The following SIPA1L1 variants were observed in gnomAD, a reference collection of about 807,000 sequenced individuals.
SIPA1L1 encodes signal induced proliferation associated 1 like 1.
Under a neutral mutation model 162.7 loss-of-function variants are expected in SIPA1L1, and 26 were observed. The observed-to-expected ratio is 0.16, with a 90% CI of 0.12 to 0.22. The LOEUF (loss-of-function observed/expected upper bound fraction) is 0.22, where lower values mean the gene tolerates loss of function less well. SIPA1L1 is among the 10% of genes least tolerant of loss of function. The pLI is 1.00. For synonymous variants in SIPA1L1, 829 were observed against 837.4 expected (o/e 0.99, Z 0.17); for missense variants, 1,874 against 2,241.0 (o/e 0.84, Z 3.31).
At chr14:71,455,141 T>G (rs1308753046) in intron 2 of SIPA1L1, among the ~76,000 whole-genome samples, 1 of 152,248 alleles carries the variant, frequency 6.6e-6, no homozygotes, top group East Asian at 1.9e-4. Context: ...TTTGAATAGT[T>G]GCATTCTGTC....
chr14:71,526,590 G>C (rs778809483), intron 3 of SIPA1L1, among the ~76,000 whole-genome samples: 3 of 152,128 alleles, frequency 2.0e-5, no homozygotes, highest in Non-Finnish European at 2.9e-5. Flanking sequence ...TGTAAATAAA[G>C]TTTTATCGGA....
At chr14:71,609,037 A>G (rs535197335) in intron 5 of SIPA1L1, among the ~76,000 whole-genome samples, 10 of 152,322 alleles carry the variant, frequency 6.6e-5, no homozygotes, top group Non-Finnish European at 1.3e-4. Context: ...GTCTTAATAC[A>G]TGCATACTCC....
At chr14:71,584,258 T>G (rs183189013) in intron 4 of SIPA1L1, among the ~76,000 whole-genome samples, 356 of 152,272 alleles carry the variant, frequency 2.3e-3, no homozygotes, top group Non-Finnish European at 3.8e-3. Flanking sequence ...GGAGTACAGA[T>G]GCTTCACAGA....
intron 5 of SIPA1L1, among the ~76,000 whole-genome samples, chr14:71,605,414 A>G (rs545697498): frequency 2.6e-5 from 4 of 152,208 alleles, no homozygotes; most frequent in African/African-American, 4.8e-5. Flanking sequence ...ACTTAATTCT[A>G]TTCCTTTTAA....
Position 71,635,062 on chromosome 14 carries a change from GACATCAGGAGTTCGAGA to G in SIPA1L1, c.1818+10827_1818+10843del, listed in dbSNP as rs545806040. ...AGAGGCCGAGGCGGGTGGGTCACCT[GACATCAGGAGTTCGAGA>G]CCAGCCTGCCTAACATGGTGAAACC... is the stretch of plus-strand genomic sequence containing the variant. On this transcript the variant is annotated intron_variant, in intron 7 of 23. Coordinates refer to ENST00000381232, the MANE Select transcript of SIPA1L1 (RefSeq NM_001386936.1). Among the ~76,000 whole-genome samples, 154 of 152,212 alleles carry G rather than the reference GACATCAGGAGTTCGAGA, an allele frequency of 1.0e-3. 2 individuals are homozygous for G. The highest frequency in any genetic ancestry group is 3.5e-3 in the African/African-American group (145 of 41,514).
intron 3 of SIPA1L1, among the ~76,000 whole-genome samples, chr14:71,523,761 A>AT (rs1218002346): frequency 1.3e-5 from 2 of 152,094 alleles, no homozygotes; most frequent in African/African-American, 2.4e-5. Context: ...TCAGTTATTT[A>AT]TTTTTTATCA....
At chr14:71,721,871 C>T (rs1197360119) in intron 17 of SIPA1L1, among the ~76,000 whole-genome samples, 1 of 152,198 alleles carries the variant, frequency 6.6e-6, no homozygotes, top group Non-Finnish European at 1.5e-5. Context: ...GACTGCCACT[C>T]ATATGTATTC....
At chr14:71,422,554 CATATAAGTGAAATCATCATACATT>C (rs2043265615) in intron 2 of SIPA1L1, among the ~76,000 whole-genome samples, 1 of 152,210 alleles carries the variant, frequency 6.6e-6, no homozygotes, top group Non-Finnish European at 1.5e-5. Context: ...TGAAGCACTT[CATATAAGTGAAATCATCATACATT>C]ATTTGTCTTT....
chr14:71,693,267 G>A (rs1351059841), intron 13 of SIPA1L1, among the ~76,000 whole-genome samples: 2 of 152,174 alleles, frequency 1.3e-5, no homozygotes, highest in South Asian at 2.1e-4. Context: ...TGCCCTTGGG[G>A]AGGTCGAGGC....
intron 2 of SIPA1L1, among the ~76,000 whole-genome samples, chr14:71,511,310 A>G (rs948913625): frequency 2.0e-5 from 3 of 152,032 alleles, no homozygotes; most frequent in African/African-American, 4.8e-5. Flanking sequence ...CTTTTGAGAC[A>G]GGGTCTCACT....
At chr14:71,429,295 G>A (rs1181152381) in intron 2 of SIPA1L1, among the ~76,000 whole-genome samples, 1 of 151,852 alleles carries the variant, frequency 6.6e-6, no homozygotes, top group Non-Finnish European at 1.5e-5. Context: ...GCTCTCCACT[G>A]GTAAACAGTT....
chr14:71,394,233 T>C (rs2041003913), intron 2 of SIPA1L1, among the ~76,000 whole-genome samples: 1 of 152,340 alleles, frequency 6.6e-6, no homozygotes. Context: ...TCTGGCTGAT[T>C]CTAATCAAAA....
At chr14:71,524,988 C>G (rs2052718935) in intron 3 of SIPA1L1, among the ~76,000 whole-genome samples, 1 of 151,958 alleles carries the variant, frequency 6.6e-6, no homozygotes, top group African/African-American at 2.4e-5. Flanking sequence ...TTTACTCTCC[C>G]TACATTTAAT....
chr14:71,328,040 G>A (rs1463501819), intron 2 of SIPA1L1, among the ~76,000 whole-genome samples: 2 of 152,168 alleles, frequency 1.3e-5, no homozygotes, highest in Non-Finnish European at 2.9e-5. Context: ...TCTTCAAAGA[G>A]TCTCAGTATT....
intron 5 of SIPA1L1, among the ~76,000 whole-genome samples, chr14:71,618,170 C>T (rs968691161): frequency 3.9e-5 from 6 of 152,304 alleles, no homozygotes; most frequent in South Asian, 4.1e-4. Flanking sequence ...TGTGGGATAC[C>T]GTGCTATGGC....
chr14:71,713,668 G>A (rs1221331833), intron 17 of SIPA1L1, among the ~76,000 whole-genome samples: 1 of 152,178 alleles, frequency 6.6e-6, no homozygotes. Flanking sequence ...GAAAAGAAAG[G>A]CTTCTTATGT....
chr14:71,589,353 A>G lies in SIPA1L1; in HGVS notation c.1481A>G (p.Lys494Arg). 1.2e-6 allele frequency: 2 copies of G among 1,604,826 alleles called. No homozygotes were observed. Among genetic ancestry groups the G allele is most frequent in the Non-Finnish European group, 1.7e-6 (2 of 1,173,222 alleles). ...HVDLGAYYYR[K>R]FFYQKEHWNY... ...GATCTGGGTGCATACTATTATAGAA[A>G]ATTTTTCTACCAGAAGGGTAAGTAG... Residue 494 changes from lysine (K) to arginine (R), a missense_variant, in exon 5 of 24, where the codon AAA becomes AGA. Lys to Arg is a conservative substitution (Grantham distance 26). Transcript: ENST00000381232.
At chr14:71,561,953 C>T (rs1311757842) in intron 4 of SIPA1L1, among the ~76,000 whole-genome samples, 1 of 152,160 alleles carries the variant, frequency 6.6e-6, no homozygotes, top group African/African-American at 2.4e-5. Context: ...CTTGATTAGT[C>T]TGTTACTTTC....
chr14:71,404,307 C>A (rs1001236651), intron 2 of SIPA1L1, among the ~76,000 whole-genome samples: 1 of 152,152 alleles, frequency 6.6e-6, no homozygotes, highest in African/African-American at 2.4e-5. Flanking sequence ...GTAATCCCAG[C>A]ACTTTGTGGG....
Sources: gnomAD v4.1 joint callset for allele counts (sites outside exome capture counted in the v4.1 genomes callset) on GRCh38, gnomAD v4.1.1 for gene constraint, MANE v1.5 for transcripts, NCBI Gene and HGNC (gene_info 2026-07-23, HGNC 2026-07-21) for gene names.